Variants in HELZ observed in about 807,000 individuals in gnomAD.
HELZ encodes helicase with zinc finger.
Under a neutral mutation model 218.2 loss-of-function variants are expected in HELZ, and 23 were observed. The ratio of observed to expected loss-of-function variants is 0.11; its 90% confidence interval spans 0.08 to 0.15. HELZ has a LOEUF of 0.15. Among genes scored for constraint, HELZ ranks in the 10% least tolerant of loss-of-function variants. The pLI, the probability that HELZ is intolerant of heterozygous loss-of-function variation, is 1.00. For synonymous variants in HELZ, 814 were observed against 829.4 expected (o/e 0.98, Z 0.32); for missense variants, 1,813 against 2,353.7 (o/e 0.77, Z 4.75).
chr17:67,160,953 G>T lies in HELZ; in HGVS notation c.2019C>A (p.Gly673=). ...CAGCCTGAGCTAGAGTGAACGTTTTGCCTGTCCCATAGGGTCCGATGATAA... is the reference window on the plus strand; with the variant it reads ...CAGCCTGAGCTAGAGTGAACGTTTTTCCTGTCCCATAGGGTCCGATGATAA... ...PVLIIGPYGT[G]KTFTLAQAVK... is the part of the protein sequence containing the mutation. The change falls in exon 16 of 33, where the codon GGC becomes GGA. Residue 673 remains glycine, a synonymous_variant. Transcript: ENST00000358691. The T allele has an allele frequency of 6.2e-7, 1 of 1,613,580 alleles. No homozygotes were observed. Among genetic ancestry groups the T allele is most frequent in the Admixed American group, 1.7e-5 (1 of 59,978 alleles).
At position 67,160,846 on chromosome 17, in the gene HELZ, C is replaced by G. The variant is rs767959732; in HGVS notation, c.2075+51G>C. On this transcript the variant is annotated intron_variant, in intron 16 of 32. Transcript: ENST00000358691. ...CCTCATTGTGTATTTAAAACAAGAA[C>G]AGAGGTAGTATCCTACCAGGGAAAT... The G allele has an allele frequency of 2.3e-6, 3 of 1,323,008 alleles. No individual in the cohort carries two copies. In the Admixed American group the frequency reaches 6.8e-5, roughly 30 times the overall value. 82.0% of individuals were successfully genotyped at this position (1,323,008 alleles called of 1,614,324 possible). A position where few individuals can be genotyped will look rare whatever the true frequency, so the allele number is the denominator to read the frequency against.
intron 13 of HELZ, among the ~76,000 whole-genome samples, chr17:67,169,875 A>G (rs147380818): frequency 6.7e-4 from 102 of 152,354 alleles, no homozygotes; most frequent in African/African-American, 2.4e-3. Flanking sequence ...GGACAAGCAC[A>G]GGATAAACAT....
At chr17:67,153,023 T>A (rs2038735600) in intron 17 of HELZ, among the ~76,000 whole-genome samples, 1 of 152,060 alleles carries the variant, frequency 6.6e-6, no homozygotes, top group Non-Finnish European at 1.5e-5. Context: ...ATGATGAACC[T>A]CAATATGATG....
intron 25 of HELZ, 32 bp downstream of exon 25, chr17:67,123,931 G>C (rs1009332019): frequency 2.6e-6 from 4 of 1,537,020 alleles, no homozygotes; most frequent in African/African-American, 1.4e-5. Context: ...CATCATAAAA[G>C]CAAGTTTTCA....
intron 31 of HELZ, among the ~76,000 whole-genome samples, chr17:67,103,722 T>C (rs2037000306): frequency 6.6e-6 from 1 of 152,194 alleles, no homozygotes. Context: ...GCTGGCTTTT[T>C]TTCTGAAGAA....
At chr17:67,089,894 T>TCCCTAATG (rs2036528638) in intron 31 of HELZ, among the ~76,000 whole-genome samples, 1 of 151,600 alleles carries the variant, frequency 6.6e-6, no homozygotes, top group African/African-American at 2.4e-5. Flanking sequence ...TCCCTCCCAA[T>TCCCTAATG]CCCTAATGCC....
At chr17:67,155,075 A>G (rs1455504027) in intron 17 of HELZ, among the ~76,000 whole-genome samples, 1 of 152,232 alleles carries the variant, frequency 6.6e-6, no homozygotes, top group Non-Finnish European at 1.5e-5. Context: ...GATATGCAAG[A>G]GCTAAAAAAC....
At chr17:67,185,339 A>G (rs559873261) in intron 12 of HELZ, among the ~76,000 whole-genome samples, 19 of 152,366 alleles carry the variant, frequency 1.2e-4, no homozygotes, top group African/African-American at 4.6e-4. Flanking sequence ...GTACTGAGAT[A>G]AAAGCAAGAA....
intron 24 of HELZ, among the ~76,000 whole-genome samples, chr17:67,127,255 G>C (rs1301292950): frequency 6.6e-6 from 1 of 152,122 alleles, no homozygotes; most frequent in Admixed American, 6.5e-5. Context: ...GGGCTAATTT[G>C]CTACTGTGCT....
chr17:67,186,082 G>C (rs2039746368), intron 12 of HELZ, among the ~76,000 whole-genome samples: 1 of 151,760 alleles, frequency 6.6e-6, no homozygotes. Context: ...TGGCCTCAAG[G>C]GCTCTCTGCT....
At chr17:67,245,841 C>G (rs1458695787), upstream of HELZ, 2 of 152,244 alleles carry the variant, frequency 1.3e-5, no homozygotes, top group African/African-American at 4.8e-5. Context: ...GTCCCGCGGT[C>G]TCCTCCTCCG....
At chr17:67,245,976 G>C (rs1261810361), upstream of HELZ, 2 of 152,444 alleles carry the variant, frequency 1.3e-5, no homozygotes, top group Non-Finnish European at 2.9e-5. Context: ...CAGGTAATCC[G>C]GGGCGCCGGC....
At chr17:67,205,120 A>T (rs1017157581) in intron 5 of HELZ, among the ~76,000 whole-genome samples, 16 of 152,178 alleles carry the variant, frequency 1.1e-4, no homozygotes, top group African/African-American at 3.4e-4. Context: ...TGAGGTCAGG[A>T]GTTCAAGACA....
chr17:67,220,274 G>A (rs1377888229), intron 3 of HELZ, among the ~76,000 whole-genome samples: 2 of 152,222 alleles, frequency 1.3e-5, no homozygotes. Flanking sequence ...AGAGCAGCAG[G>A]AGGCAAGATG....
intron 3 of HELZ, among the ~76,000 whole-genome samples, chr17:67,236,307 T>A (rs963789593): frequency 1.3e-5 from 2 of 152,210 alleles, no homozygotes; most frequent in African/African-American, 4.8e-5. Flanking sequence ...AACAGGTATA[T>A]CCATATATCT....
At chr17:67,133,837 T>A in intron 23 of HELZ, among the ~76,000 whole-genome samples, 1 of 152,130 alleles carries the variant, frequency 6.6e-6, no homozygotes, top group Non-Finnish European at 1.5e-5. Context: ...TTAAATCCAT[T>A]TACTCCCCTA....
At chr17:67,122,901 G>T in intron 26 of HELZ, 69 bp downstream of exon 26, 1 of 1,171,316 alleles carries the variant, frequency 8.5e-7, no homozygotes, top group Non-Finnish European at 1.2e-6. Context: ...ATGCTATTTG[G>T]GATTAGAACC....
intron 5 of HELZ, among the ~76,000 whole-genome samples, chr17:67,213,983 T>G (rs747366594): frequency 9.6e-4 from 146 of 152,186 alleles, no homozygotes; most frequent in Admixed American, 2.6e-3. Flanking sequence ...GCACTTATGT[T>G]TGTCACTGTA....
At position 67,108,746 on chromosome 17, in the gene HELZ, A is replaced by G; in HGVS notation, c.4490-20T>C. ...TACGATCTGCAAAAATATTTGTGAAAAATTTTTTATGAATTTGGGGTTTCA... is the reference window on the plus strand; with the variant it reads ...TACGATCTGCAAAAATATTTGTGAAGAATTTTTTATGAATTTGGGGTTTCA... On this transcript the variant is annotated intron_variant, in intron 29 of 32. Coordinates refer to ENST00000358691, the MANE Select transcript of HELZ (RefSeq NM_014877.4). This position sits in a 1 kb window ranked among gnomAD's most constrained non-coding sequence, Gnocchi z 4.1. 1 of 1,529,846 alleles carries G rather than the reference A, an allele frequency of 6.5e-7. No homozygotes were observed. The highest frequency in any genetic ancestry group is 1.3e-5 in the South Asian group (1 of 79,608). The allele number at this position is 1,529,846 out of a possible 1,614,324, so 94.8% of individuals were successfully genotyped here. A position where few individuals can be genotyped will look rare whatever the true frequency, so the allele number is the denominator to read the frequency against.
Sources: gnomAD v4.1 joint callset for allele counts (sites outside exome capture counted in the v4.1 genomes callset) on GRCh38, gnomAD v4.1.1 for gene constraint, Gnocchi (gnomAD v3.1) non-coding constraint, MANE v1.5 for transcripts, NCBI Gene and HGNC (gene_info 2026-07-23, HGNC 2026-07-21) for gene names.